Variants in IL1RAPL2 observed in about 807,000 individuals in gnomAD.
IL1RAPL2 encodes X-linked interleukin-1 receptor accessory protein-like 2.
In IL1RAPL2, 3 loss-of-function variants were observed where a neutral mutation model predicts 44.1. That is an observed-to-expected ratio of 0.07 (90% CI 0.03 to 0.18). The LOEUF (loss-of-function observed/expected upper bound fraction) is 0.18. IL1RAPL2 is among the 10% of genes least tolerant of loss of function. The pLI is 1.00. For synonymous variants in IL1RAPL2, 181 were observed against 178.8 expected, an observed-to-expected ratio of 1.01 and a Z score of -0.10; for missense variants, 391 against 496.4, an observed-to-expected ratio of 0.79 and a Z score of 2.02.
chrX:105,011,293 C>T (rs1208159833), intron 2 of IL1RAPL2, among the ~76,000 whole-genome samples: 1 of 111,540 alleles, frequency 9.0e-6, no homozygotes, highest in Non-Finnish European at 1.9e-5. Context: ...CCCCAGGTTT[C>T]TCCTTTCATT....
intron 2 of IL1RAPL2, among the ~76,000 whole-genome samples, chrX:105,036,379 C>T (rs1487236553): frequency 8.9e-6 from 1 of 111,737 alleles, no homozygotes; most frequent in Non-Finnish European, 1.9e-5. Flanking sequence ...TTTTTGGCCA[C>T]ATCTTGGCTT....
At chrX:104,638,788 A>C (rs962025605) in intron 1 of IL1RAPL2, among the ~76,000 whole-genome samples, 1 of 112,435 alleles carries the variant, frequency 8.9e-6, no homozygotes, top group Non-Finnish European at 1.9e-5. Context: ...CATATGGTCT[A>C]TTCTGGAGAA....
intron 2 of IL1RAPL2, among the ~76,000 whole-genome samples, chrX:104,949,559 G>A (rs1473607948): frequency 9.5e-6 from 1 of 105,774 alleles, no homozygotes; most frequent in Non-Finnish European, 1.9e-5. Flanking sequence ...GGCATTTAGT[G>A]CTATAAATTT....
intron 2 of IL1RAPL2, among the ~76,000 whole-genome samples, chrX:104,913,484 C>G (rs994232900): frequency 1.3e-4 from 14 of 111,736 alleles, no homozygotes; most frequent in African/African-American, 3.9e-4. Context: ...TCTGGGTAGC[C>G]TATATCTCTG....
chrX:105,041,400 T>C (rs1451977923), intron 2 of IL1RAPL2, among the ~76,000 whole-genome samples: 1 of 110,870 alleles, frequency 9.0e-6, no homozygotes, highest in African/African-American at 3.3e-5. Context: ...TAGGTCTGTT[T>C]GGTGCAGAGC....
At chrX:105,073,886 T>C (rs995096634) in intron 2 of IL1RAPL2, among the ~76,000 whole-genome samples, 25 of 111,136 alleles carry the variant, frequency 2.2e-4, no homozygotes, top group African/African-American at 6.2e-4. Flanking sequence ...TTTGATGGGG[T>C]TGTTTGTTTT....
At chrX:105,481,008 T>G (rs752794370) in intron 5 of IL1RAPL2, among the ~76,000 whole-genome samples, 1 of 112,118 alleles carries the variant, frequency 8.9e-6, no homozygotes, top group African/African-American at 3.2e-5. Context: ...AGTTCATCTC[T>G]TTCCATTCAC....
At chrX:104,753,037 C>T (rs1227051173) in intron 2 of IL1RAPL2, among the ~76,000 whole-genome samples, 1 of 110,180 alleles carries the variant, frequency 9.1e-6, no homozygotes, top group African/African-American at 3.3e-5. Flanking sequence ...CTCTATCATT[C>T]AAGTTCCCTT....
intron 6 of IL1RAPL2, among the ~76,000 whole-genome samples, chrX:105,619,100 T>TTA (rs752606382): frequency 1.8e-5 from 2 of 111,056 alleles, no homozygotes; most frequent in African/African-American, 6.6e-5. Context: ...GTTTATTAAC[T>TTA]TATACATTTC....
chrX:104,956,299 CT>C (rs1780382823), intron 2 of IL1RAPL2, among the ~76,000 whole-genome samples: 1 of 111,892 alleles, frequency 8.9e-6, no homozygotes, highest in Non-Finnish European at 1.9e-5. Flanking sequence ...ACTCACTTCC[CT>C]TCTCTGGGCC....
At chrX:105,604,314 G>A (rs1403529729) in intron 6 of IL1RAPL2, among the ~76,000 whole-genome samples, 1 of 110,536 alleles carries the variant, frequency 9.0e-6, no homozygotes. Flanking sequence ...TGAAAAATAA[G>A]GCATTAAAAC....
At chrX:105,008,753 G>A (rs2030990613) in intron 2 of IL1RAPL2, among the ~76,000 whole-genome samples, 1 of 111,286 alleles carries the variant, frequency 9.0e-6, no homozygotes, top group South Asian at 3.8e-4. Flanking sequence ...TAGACAAATG[G>A]GATCTATTTA....
intron 6 of IL1RAPL2, chrX:105,676,176 A>G (rs1225966963): frequency 8.9e-6 from 1 of 111,797 alleles, no homozygotes; most frequent in Non-Finnish European, 1.9e-5. Flanking sequence ...CAAAGTGAGC[A>G]CAGCATAAGG....
intron 2 of IL1RAPL2, among the ~76,000 whole-genome samples, chrX:104,932,218 C>A (rs189304162): frequency 9.2e-6 from 1 of 109,005 alleles, no homozygotes; most frequent in Non-Finnish European, 1.9e-5. Context: ...AGGCTGGTCT[C>A]GAACTGCTGA....
intron 2 of IL1RAPL2, among the ~76,000 whole-genome samples, chrX:105,110,037 G>A (rs1226957124): frequency 8.9e-6 from 1 of 111,738 alleles, no homozygotes; most frequent in Non-Finnish European, 1.9e-5. Flanking sequence ...AGAAATGGAG[G>A]TGCAGAGGGA....
intron 2 of IL1RAPL2, among the ~76,000 whole-genome samples, chrX:105,116,038 T>C (rs2032855763): frequency 8.8e-6 from 1 of 113,020 alleles, no homozygotes; most frequent in African/African-American, 3.2e-5. Context: ...ACCCAGAACT[T>C]GCGCTGGCCT....
At chrX:104,772,709 C>T (rs1932658097) in intron 2 of IL1RAPL2, among the ~76,000 whole-genome samples, 1 of 111,534 alleles carries the variant, frequency 9.0e-6, no homozygotes, top group South Asian at 3.7e-4. Flanking sequence ...TAAAATCATA[C>T]CCTCTAGACC....
chrX:105,164,864 G>A (rs764778531), intron 2 of IL1RAPL2, among the ~76,000 whole-genome samples: 3 of 112,041 alleles, frequency 2.7e-5, no homozygotes, highest in South Asian at 3.7e-4. Context: ...GATTAAACAC[G>A]TCATTTTAAA....
At chrX:105,281,404 C>T (rs2034531268) in intron 5 of IL1RAPL2, among the ~76,000 whole-genome samples, 1 of 111,393 alleles carries the variant, frequency 9.0e-6, no homozygotes, top group African/African-American at 3.3e-5. Flanking sequence ...CACATGTACC[C>T]CAGAACTTAA....
Sources: allele counts gnomAD v4.1 joint callset (sites outside exome capture counted in the v4.1 genomes callset), GRCh38; gene constraint gnomAD v4.1.1; transcripts MANE v1.5; gene names NCBI Gene and HGNC (gene_info 2026-07-23, HGNC 2026-07-21).